SLC5A8: variants seen among roughly 807,000 people sequenced by gnomAD.
The protein encoded by SLC5A8 is sodium-coupled monocarboxylate transporter 1.
In SLC5A8, 55 loss-of-function variants were observed where a neutral mutation model predicts 71.9. That is an observed-to-expected ratio of 0.77 (90% CI 0.62 to 0.96). The LOEUF (loss-of-function observed/expected upper bound fraction) is 0.96. Ranked by LOEUF, SLC5A8 falls within the 40% of genes least tolerant of loss-of-function variation. SLC5A8 has a pLI of 0.00. For missense variants in SLC5A8, 701 were observed against 745.3 expected, an observed-to-expected ratio of 0.94 and a Z score of 0.69; for synonymous variants, 307 against 276.1, an observed-to-expected ratio of 1.11 and a Z score of -1.11.
At chr12:101,158,574 CTCTCTCTCTCTCTCTCTCTCTCTCTATA>C (rs1354721393) in intron 13 of SLC5A8, among the ~76,000 whole-genome samples, 13 of 48,144 alleles carry the variant, frequency 2.7e-4, no homozygotes, top group Middle Eastern at 0.016. Context: ...CTCTCTCTCT[CTCTCTCTCTCTCTCTCTCTCTCTCTATA>C]TATATATATA....
chr12:101,170,763 GC>G (rs1829785992), intron 10 of SLC5A8, among the ~76,000 whole-genome samples: 1 of 152,076 alleles, frequency 6.6e-6, no homozygotes, highest in African/African-American at 2.4e-5. Context: ...GGCACCCTTT[GC>G]CTCCCTGCTG....
In SLC5A8 at chr12:101,209,861, G is replaced by C; in HGVS notation, c.-13C>G. On this transcript the variant is annotated 5_prime_UTR_variant, in exon 1 of 15. Coordinates refer to ENST00000536262, the MANE Select transcript of SLC5A8 (RefSeq NM_145913.5). ...GTGGCGTGTCCATGGCCGCACGGTC[G>C]CCTGAGCCCTGCGCGCAAACTGGTG... 6.6e-7 allele frequency: 1 copy of C among 1,510,800 alleles called. No homozygotes were observed. The highest frequency in any genetic ancestry group is 8.9e-7 in the Non-Finnish European group (1 of 1,129,722). The allele number at this position is 1,510,800 out of a possible 1,614,324, so 93.6% of individuals were successfully genotyped here.
At chr12:101,170,155 CTG>C (rs1314846476) in intron 10 of SLC5A8, among the ~76,000 whole-genome samples, 1 of 152,178 alleles carries the variant, frequency 6.6e-6, no homozygotes, top group Admixed American at 6.5e-5. Context: ...GAAGAAGACA[CTG>C]TTGTAAAGAT....
chr12:101,166,189 A>G (rs2051767709), intron 12 of SLC5A8, among the ~76,000 whole-genome samples: 1 of 152,238 alleles, frequency 6.6e-6, no homozygotes, highest in African/African-American at 2.4e-5. Flanking sequence ...AGTTTTTCCA[A>G]GACAAAGATA....
chr12:101,193,812 T>C (rs1454222072), intron 4 of SLC5A8, 33 bp from the exon 5 acceptor site: 9 of 1,604,954 alleles, frequency 5.6e-6, no homozygotes, highest in Non-Finnish European at 7.7e-6. Flanking sequence ...GATTAATGCT[T>C]CTATTAGACA....
At chr12:101,206,810 G>A (rs1283532261) in intron 1 of SLC5A8, among the ~76,000 whole-genome samples, 1 of 152,134 alleles carries the variant, frequency 6.6e-6, no homozygotes, top group Non-Finnish European at 1.5e-5. Flanking sequence ...GGCTCCAGAA[G>A]GATCTTGAAG....
At chr12:101,182,394 G>T (rs1390473966) in intron 9 of SLC5A8, among the ~76,000 whole-genome samples, 4 of 152,194 alleles carry the variant, frequency 2.6e-5, no homozygotes, top group Non-Finnish European at 4.4e-5. Flanking sequence ...AACAGAAAAA[G>T]TGTGGCTCTT....
At chr12:101,194,216 A>G (rs189691212) in intron 4 of SLC5A8, among the ~76,000 whole-genome samples, 11 of 152,258 alleles carry the variant, frequency 7.2e-5, no homozygotes, top group Admixed American at 5.9e-4. Context: ...ACTGTTATAT[A>G]CTATAAGTGA....
intron 6 of SLC5A8, among the ~76,000 whole-genome samples, chr12:101,189,998 G>A (rs1330158032): frequency 6.6e-6 from 1 of 152,166 alleles, no homozygotes; most frequent in Non-Finnish European, 1.5e-5. Context: ...CACTCAAATA[G>A]CAAATATTAG....
chr12:101,205,487 C>G (rs974353524), intron 1 of SLC5A8, among the ~76,000 whole-genome samples: 1 of 152,072 alleles, frequency 6.6e-6, no homozygotes, highest in Admixed American at 6.5e-5. Flanking sequence ...GAGCTGGGAG[C>G]TAAGATTTTC....
chr12:101,198,167 A>G (rs1869274105), intron 3 of SLC5A8, among the ~76,000 whole-genome samples: 1 of 152,044 alleles, frequency 6.6e-6, no homozygotes, highest in South Asian at 2.1e-4. Flanking sequence ...GCTGCAGATA[A>G]AGCAGTGTTT....
At chr12:101,207,017 A>G (rs1434476671) in intron 1 of SLC5A8, among the ~76,000 whole-genome samples, 1 of 152,256 alleles carries the variant, frequency 6.6e-6, no homozygotes, top group African/African-American at 2.4e-5. Context: ...TCAACACTGT[A>G]CAGCATATTC....
At chr12:101,187,346 A>G (rs1158373044) in intron 7 of SLC5A8, 40 bp downstream of exon 7, 1 of 1,571,592 alleles carries the variant, frequency 6.4e-7, no homozygotes, top group South Asian at 1.2e-5. Flanking sequence ...AGCTTTTTGA[A>G]TATTATTAAT....
rs1267480588 is a variant in SLC5A8, at chr12:101,156,187, C to G, written c.*1092G>C. On this transcript the variant is annotated 3_prime_UTR_variant, in exon 15 of 15. Coordinates refer to ENST00000536262, the MANE Select transcript of SLC5A8 (RefSeq NM_145913.5). Reference sequence around the variant, plus strand: ...TTGCTTATATAATTTAGCCCTTTAACTGGATAAATATACCGAAATTTCAAA... The same window carrying G: ...TTGCTTATATAATTTAGCCCTTTAAGTGGATAAATATACCGAAATTTCAAA... 2 of 152,106 alleles carry G rather than the reference C, an allele frequency of 1.3e-5. No individual in the cohort carries two copies. Among genetic ancestry groups the G allele is most frequent in the South Asian group, 2.1e-4 (1 of 4,832 alleles). The allele number at this position is 152,106 out of a possible 1,614,324, so 9.4% of individuals were successfully genotyped here. A position where few individuals can be genotyped will look rare whatever the true frequency, so the allele number is the denominator to read the frequency against.
At chr12:101,202,074 C>T (rs1302895035) in intron 3 of SLC5A8, 90 bp downstream of exon 3, 3 of 1,235,382 alleles carry the variant, frequency 2.4e-6, no homozygotes, top group East Asian at 4.9e-5. Flanking sequence ...AAGCATTCCT[C>T]CATCTCCCCA....
At chr12:101,209,195 A>G (rs1393122055) in intron 1 of SLC5A8, among the ~76,000 whole-genome samples, 1 of 152,212 alleles carries the variant, frequency 6.6e-6, no homozygotes, top group Non-Finnish European at 1.5e-5. Flanking sequence ...CTAAAGGTAG[A>G]AAGGACCATA....
chr12:101,196,251 C>T (rs1023604917), intron 3 of SLC5A8, among the ~76,000 whole-genome samples: 15 of 152,110 alleles, frequency 9.9e-5, no homozygotes, highest in African/African-American at 3.4e-4. Context: ...TTGAAGAAGG[C>T]GTTACTAAGA....
intron 10 of SLC5A8, 151 bp from the exon 11 acceptor site, chr12:101,168,333 G>C: frequency 1.3e-6 from 1 of 754,916 alleles, no homozygotes; most frequent in Non-Finnish European, 2.1e-6. Context: ...TGGAAAAGAA[G>C]TCATTAGAAC....
At chr12:101,158,590 CTCTCTCTCTATATATATATATA>C (rs1413620165) in intron 13 of SLC5A8, among the ~76,000 whole-genome samples, 9 of 31,558 alleles carry the variant, frequency 2.9e-4, no homozygotes, top group African/African-American at 1.3e-3. Context: ...CTCTCTCTCT[CTCTCTCTCTATATATATATATA>C]TATATATATA....
Sources: allele counts gnomAD v4.1 joint callset (sites outside exome capture counted in the v4.1 genomes callset), GRCh38; gene constraint gnomAD v4.1.1; transcripts MANE v1.5; gene names NCBI Gene and HGNC (gene_info 2026-07-23, HGNC 2026-07-21).